The following ITPR1 variants were observed in gnomAD, a reference collection of about 807,000 sequenced individuals.
ITPR1 encodes the protein inositol 1,4,5-trisphosphate-gated calcium channel ITPR1.
ITPR1 carries 96 observed loss-of-function variants against 318.4 expected under a neutral mutation model. The observed-to-expected ratio is 0.30, with a 90% CI of 0.26 to 0.36. The LOEUF is 0.36. Among genes scored for constraint, ITPR1 ranks in the 10% least tolerant of loss-of-function variants. The pLI, the probability that ITPR1 is intolerant of heterozygous loss-of-function variation, is 1.00. For synonymous variants in ITPR1, 1,312 were observed against 1,289.9 expected, an observed-to-expected ratio of 1.02 and a Z score of -0.37; for missense variants, 2,440 against 3,460.2, an observed-to-expected ratio of 0.71 and a Z score of 7.40.
Position 4,779,727 on chromosome 3 carries a change from G to C in ITPR1, c.6387+82G>C, listed in dbSNP as rs2046701005. On this transcript the variant is annotated intron_variant, in intron 49 of 61. Coordinates refer to ENST00000649015, the MANE Select transcript of ITPR1 (RefSeq NM_001378452.1). This position sits in a 1 kb window ranked among gnomAD's most constrained non-coding sequence, Gnocchi z 4.0. ...GACAGAGCAGAGGATCTGCTTCCTG[G>C]AGCTTTCTTGAAGGTTCCCAAAGTC... The C allele has an allele frequency of 6.2e-6, 6 of 964,190 alleles. No homozygotes were observed. Among genetic ancestry groups the C allele is most frequent in the Non-Finnish European group, 9.8e-6 (6 of 612,120 alleles). The allele number at this position is 964,190 out of a possible 1,614,324, so 59.7% of individuals were successfully genotyped here.
chr3:4,659,287 A>G (rs534522335), intron 13 of ITPR1, among the ~76,000 whole-genome samples: 1 of 152,368 alleles, frequency 6.6e-6, no homozygotes, highest in African/African-American at 2.4e-5. Context: ...GTCATTTATT[A>G]TAGATGGGAT....
rs775985018 is a variant in ITPR1, at chr3:4,684,311, A to G, written c.3529A>G (p.Ser1177Gly). Residue 1177 changes from serine (S) to glycine (G), a missense_variant, in exon 29 of 62, where the codon AGC becomes GGC. This residue lies in a region of ITPR1 where 86 missense variants were observed against 75.6 expected (regional missense o/e 1.14). Transcript: ENST00000649015. ...EGNNKPQKHE[S>G]TSSYNYRVVK... ...AAATAACAAGCCACAAAAGCATGAAAGCACCAGCAGCTACAACTACAGAGT... is the reference window on the plus strand; with the variant it reads ...AAATAACAAGCCACAAAAGCATGAAGGCACCAGCAGCTACAACTACAGAGT... 5 of 1,612,974 alleles carry G rather than the reference A, an allele frequency of 3.1e-6. No individual in the cohort carries two copies. The East Asian group carries it at 1.1e-4, about 36-fold the overall frequency.
At chr3:4,598,479 G>A (rs2091023168) in intron 4 of ITPR1, among the ~76,000 whole-genome samples, 1 of 152,038 alleles carries the variant, frequency 6.6e-6, no homozygotes, top group African/African-American at 2.4e-5. Context: ...AAATTAGCTG[G>A]GTGTGGTGGT....
Position 4,769,374 on chromosome 3 carries a change from C to T in ITPR1, c.5979+610C>T, listed in dbSNP as rs149251278. Among the ~76,000 whole-genome samples, 114 of 152,296 alleles carry T rather than the reference C, an allele frequency of 7.5e-4. 1 individual carries two copies. The highest frequency in any genetic ancestry group is 3.7e-3 in the South Asian group (18 of 4,816). On this transcript the variant is annotated intron_variant, in intron 46 of 61. Coordinates refer to ENST00000649015, the MANE Select transcript of ITPR1 (RefSeq NM_001378452.1). Reference sequence around the variant, plus strand: ...TTGATGTGTGTGTCTTGTAGCCTGTCACTGTTAGACATCTAGGCACTCAGG... The same window carrying T: ...TTGATGTGTGTGTCTTGTAGCCTGTTACTGTTAGACATCTAGGCACTCAGG...
intron 39 of ITPR1, among the ~76,000 whole-genome samples, chr3:4,714,132 G>T (rs969001364): frequency 6.6e-6 from 1 of 152,148 alleles, no homozygotes; most frequent in African/African-American, 2.4e-5. Flanking sequence ...GCTTTTTGAT[G>T]GTTTACTGGC....
chr3:4,772,360 G>C (rs942750257), intron 46 of ITPR1, among the ~76,000 whole-genome samples: 9 of 152,384 alleles, frequency 5.9e-5, no homozygotes, highest in Non-Finnish European at 1.2e-4. Context: ...GGAGTTGCTT[G>C]TCATATTTAT....
rs1559662759 is a variant in ITPR1, at chr3:4,673,238, G to A, written c.2307G>A (p.Met769Ile). The A allele has an allele frequency of 6.2e-7, 1 of 1,614,032 alleles. No individual in the cohort carries two copies. The highest frequency in any genetic ancestry group is 8.5e-7 in the Non-Finnish European group (1 of 1,179,898). Residue 769 changes from methionine (M) to isoleucine (I), a missense_variant, in exon 21 of 62, where the codon ATG (methionine) becomes ATA (isoleucine). Coordinates refer to ENST00000649015, the MANE Select transcript of ITPR1 (RefSeq NM_001378452.1). ...ATGTCGATCTCATTCTCCGCTGCATGTCTGACGAGAACCTGCCCTATGACC... is the reference window on the plus strand; with the variant it reads ...ATGTCGATCTCATTCTCCGCTGCATATCTGACGAGAACCTGCCCTATGACC... ...QLDVDLILRC[M>I]SDENLPYDLR...
At chr3:4,517,980 G>C (rs777641765) in intron 3 of ITPR1, among the ~76,000 whole-genome samples, 6 of 152,218 alleles carry the variant, frequency 3.9e-5, no homozygotes, top group Non-Finnish European at 7.3e-5. Context: ...AACTGTCTAT[G>C]GTGAACATTG....
At chr3:4,517,903 G>A (rs552044317) in intron 3 of ITPR1, among the ~76,000 whole-genome samples, 1 of 152,338 alleles carries the variant, frequency 6.6e-6, no homozygotes, top group Non-Finnish European at 1.5e-5. Flanking sequence ...AATGAGCCCA[G>A]TGGGTATTTG....
intron 2 of ITPR1, among the ~76,000 whole-genome samples, 179 bp from the exon 3 acceptor site, chr3:4,516,297 G>A (rs574864920): frequency 6.6e-6 from 1 of 152,318 alleles, no homozygotes; most frequent in East Asian, 1.9e-4. Context: ...CGGGGAAAAA[G>A]TGTTGTTGCA....
intron 61 of ITPR1, among the ~76,000 whole-genome samples, chr3:4,839,934 G>A (rs1040290032): frequency 6.6e-6 from 1 of 150,686 alleles, no homozygotes; most frequent in African/African-American, 2.4e-5. Flanking sequence ...AAAGAAGCAT[G>A]AGAATCCAGT....
At chr3:4,523,001 G>A (rs1275054139) in intron 4 of ITPR1, among the ~76,000 whole-genome samples, 1 of 152,222 alleles carries the variant, frequency 6.6e-6, no homozygotes, top group Non-Finnish European at 1.5e-5. Context: ...TGGGCATTGG[G>A]ATTTTTGAAA....
rs182842740 is a variant in ITPR1, at chr3:4,580,097, C to G, written c.164-47666C>G. Among the ~76,000 whole-genome samples, 287 of 152,136 alleles carry G rather than the reference C, an allele frequency of 1.9e-3. 2 individuals carry two copies. The highest frequency in any genetic ancestry group is 6.6e-3 in the African/African-American group (273 of 41,492). On this transcript the variant is annotated intron_variant, in intron 4 of 61. Transcript: ENST00000649015. ...TAGTGGCAGGAGCCTGTAGTCCCAG[C>G]TACCCGGGAGGCTGAGGCAGGAGAA...
intron 4 of ITPR1, among the ~76,000 whole-genome samples, chr3:4,556,587 T>G (rs1218599984): frequency 6.6e-6 from 1 of 152,102 alleles, no homozygotes; most frequent in Admixed American, 6.6e-5. Context: ...CCTGATTGGC[T>G]TCTTTCACTC....
At chr3:4,745,648 T>C (rs1053841831) in intron 44 of ITPR1, among the ~76,000 whole-genome samples, 2 of 152,186 alleles carry the variant, frequency 1.3e-5, no homozygotes, top group African/African-American at 4.8e-5. Flanking sequence ...CCTTGGGTAA[T>C]CTCATCTACT....
At chr3:4,517,949 C>A (rs1256521453) in intron 3 of ITPR1, among the ~76,000 whole-genome samples, 2 of 152,240 alleles carry the variant, frequency 1.3e-5, no homozygotes, top group African/African-American at 4.8e-5. Context: ...ACTGTGCCTA[C>A]ATCTTCCTTA....
chr3:4,525,819 T>C (rs1289308571), intron 4 of ITPR1, among the ~76,000 whole-genome samples: 1 of 152,218 alleles, frequency 6.6e-6, no homozygotes, highest in Non-Finnish European at 1.5e-5. Flanking sequence ...ATCTGTATTA[T>C]CTTTTCCTCT....
Position 4,673,400 on chromosome 3 carries a change from C to T in ITPR1, c.2456+13C>T, listed in dbSNP as rs372992675. 25 of 1,589,912 alleles carry T rather than the reference C, an allele frequency of 1.6e-5. No homozygotes were observed. In the African/African-American group the frequency reaches 2.8e-4, roughly 18 times the overall value. On this transcript the variant is annotated intron_variant, in intron 21 of 61. Transcript: ENST00000649015. The stretch of plus-strand genomic sequence containing the variant: ...TCGCCATTGACGAGTGAGCCTGGCA[C>T]CTGAAAACCTCACTTTACATTATTC...
intron 4 of ITPR1, among the ~76,000 whole-genome samples, chr3:4,588,652 C>T (rs2090128277): frequency 6.6e-6 from 1 of 152,122 alleles, no homozygotes. Context: ...ATTTGTTTCT[C>T]CAGTGCCCAT....
Sources: allele counts gnomAD v4.1 joint callset (sites outside exome capture counted in the v4.1 genomes callset), GRCh38; gene constraint gnomAD v4.1.1; regional missense constraint gnomAD v4.1.1; non-coding constraint Gnocchi (gnomAD v3.1); transcripts MANE v1.5; gene names NCBI Gene and HGNC (gene_info 2026-07-23, HGNC 2026-07-21).